The following PLEKHA5 variants were observed in gnomAD, a reference collection of about 807,000 sequenced individuals.
PLEKHA5 encodes the protein pleckstrin homology domain-containing family A member 5.
PLEKHA5 carries 55 observed loss-of-function variants against 181.9 expected under a neutral mutation model. The ratio of observed to expected loss-of-function variants is 0.30; its 90% confidence interval spans 0.24 to 0.38. The LOEUF (loss-of-function observed/expected upper bound fraction) is 0.38. PLEKHA5 is among the 10% of genes least tolerant of loss of function. The probability of loss-of-function intolerance (pLI) is 1.00; values close to 1 mark genes in which losing one functional copy is unlikely to be tolerated. For synonymous variants in PLEKHA5, 535 were observed against 529.4 expected (o/e 1.01, Z -0.15); for missense variants, 1,432 against 1,549.5 (o/e 0.92, Z 1.27).
chr12:19,267,197 A>T (rs963504385), intron 8 of PLEKHA5, among the ~76,000 whole-genome samples: 1 of 152,204 alleles, frequency 6.6e-6, no homozygotes, highest in African/African-American at 2.4e-5. Flanking sequence ...GTAAGGAACT[A>T]TAAGGTTCTT....
chr12:19,138,761 C>G (rs927079270), intron 3 of PLEKHA5, among the ~76,000 whole-genome samples: 1 of 151,730 alleles, frequency 6.6e-6, no homozygotes, highest in Non-Finnish European at 1.5e-5. Flanking sequence ...GCTGGGAACA[C>G]GTATAATATG....
In PLEKHA5 at chr12:19,344,067, T is replaced by A. The variant is rs558981955; in HGVS notation, c.2662+633T>A. Among the ~76,000 whole-genome samples the A allele has an allele frequency of 9.3e-3, 1,396 of 150,514 alleles. 9 individuals are homozygous for A. The highest frequency in any genetic ancestry group is 0.015 in the Non-Finnish European group (1,016 of 67,568). ...ACTGTCCCAAAAAAAAAAAAAAAAA[T>A]TTTCTCAGCTGCATTATAATCTTAT... On this transcript the variant is annotated intron_variant, in intron 22 of 31. Transcript: ENST00000429027.
chr12:19,210,054 A>G (rs1434281643), intron 3 of PLEKHA5, among the ~76,000 whole-genome samples: 2 of 152,176 alleles, frequency 1.3e-5, no homozygotes, highest in Non-Finnish European at 2.9e-5. Context: ...TCTTTAACGG[A>G]TGTCCATTTG....
intron 15 of PLEKHA5, among the ~76,000 whole-genome samples, chr12:19,310,406 T>TA (rs1284044981): frequency 2.6e-5 from 4 of 152,012 alleles, no homozygotes; most frequent in African/African-American, 7.3e-5. Context: ...GGTCAGGAGT[T>TA]AGAGACCAGC....
At chr12:19,217,925 G>A (rs2058256887) in intron 3 of PLEKHA5, among the ~76,000 whole-genome samples, 1 of 152,124 alleles carries the variant, frequency 6.6e-6, no homozygotes, top group Non-Finnish European at 1.5e-5. Flanking sequence ...GTTATCTATT[G>A]CTGCATAAGA....
chr12:19,281,313 A>C (rs1479839944), intron 11 of PLEKHA5, among the ~76,000 whole-genome samples: 1 of 151,808 alleles, frequency 6.6e-6, no homozygotes, highest in African/African-American at 2.4e-5. Context: ...CCAGGCGCTC[A>C]CTCCTGTAAT....
chr12:19,265,055 C>T (rs1264247457), intron 7 of PLEKHA5, among the ~76,000 whole-genome samples: 1 of 152,160 alleles, frequency 6.6e-6, no homozygotes, highest in Non-Finnish European at 1.5e-5. Flanking sequence ...TTTAGTCACA[C>T]TATTGTATAT....
At position 19,343,412 on chromosome 12, in the gene PLEKHA5, G is replaced by A. The variant is rs914410801; in HGVS notation, c.2640G>A (p.Gln880=). 7.5e-6 allele frequency: 12 copies of A among 1,606,928 alleles called. No homozygotes were observed. The highest frequency in any genetic ancestry group is 1.3e-5 in the African/African-American group (1 of 74,766). ...DVMEGLSKHK[Q]QRGTTEIGMI... The stretch of plus-strand genomic sequence containing the variant: ...TGGAAGGGCTGAGTAAACATAAGCA[G>A]CAAAGAGGTACTACAGAAATAGGTA... Residue 880 remains glutamine (Q), a synonymous_variant, in exon 22 of 32, where the codon CAG becomes CAA. Transcript: ENST00000429027.
chr12:19,278,481 C>G (rs2075209165), intron 11 of PLEKHA5, among the ~76,000 whole-genome samples: 1 of 152,110 alleles, frequency 6.6e-6, no homozygotes, highest in South Asian at 2.1e-4. Context: ...TGCTTAATCT[C>G]TAGCTTTTTG....
At chr12:19,331,791 G>A (rs1302219744) in intron 20 of PLEKHA5, among the ~76,000 whole-genome samples, 1 of 152,206 alleles carries the variant, frequency 6.6e-6, no homozygotes, top group South Asian at 2.1e-4. Flanking sequence ...GGGAGGCTGA[G>A]GCAGGAGAAT....
chr12:19,370,277 A>G (rs1214704005), intron 31 of PLEKHA5, among the ~76,000 whole-genome samples: 1 of 152,234 alleles, frequency 6.6e-6, no homozygotes, highest in Admixed American at 6.5e-5. Flanking sequence ...TTTAATGTCT[A>G]TCTGATATTA....
chr12:19,328,151 G>A (rs543857454), intron 20 of PLEKHA5, among the ~76,000 whole-genome samples: 1 of 152,252 alleles, frequency 6.6e-6, no homozygotes, highest in East Asian at 1.9e-4. Flanking sequence ...TAGGTGTATG[G>A]CTTAACTGCT....
At chr12:19,372,605 T>C (rs2095611303) in intron 31 of PLEKHA5, 1 of 152,028 alleles carries the variant, frequency 6.6e-6, no homozygotes, top group Non-Finnish European at 1.5e-5. Flanking sequence ...TAACTTTTAT[T>C]TGAGATTATG....
At chr12:19,304,601 C>A (rs1029623813) in intron 15 of PLEKHA5, among the ~76,000 whole-genome samples, 8 of 152,128 alleles carry the variant, frequency 5.3e-5, no homozygotes, top group African/African-American at 1.7e-4. Context: ...GGTTCACAAG[C>A]CTGACTTCTC....
chr12:19,294,481 T>C (rs780830513), intron 15 of PLEKHA5, among the ~76,000 whole-genome samples: 97 of 152,290 alleles, frequency 6.4e-4, no homozygotes, highest in Non-Finnish European at 9.1e-4. Flanking sequence ...GGTCACATTT[T>C]ATACTATATA....
intron 3 of PLEKHA5, chr12:19,205,482 C>T (rs1056178575): frequency 1.6e-5 from 8 of 512,894 alleles, no homozygotes; most frequent in African/African-American, 2.1e-5. Flanking sequence ...TTGCTCTAAT[C>T]GGTCAGTTAT....
intron 3 of PLEKHA5, among the ~76,000 whole-genome samples, chr12:19,159,888 T>C (rs2042580226): frequency 6.6e-6 from 1 of 152,154 alleles, no homozygotes; most frequent in Non-Finnish European, 1.5e-5. Flanking sequence ...GAATGCATGG[T>C]CATGCATAAT....
intron 15 of PLEKHA5, among the ~76,000 whole-genome samples, chr12:19,312,017 G>A (rs1173667105): frequency 2.0e-5 from 3 of 152,134 alleles, no homozygotes; most frequent in Admixed American, 1.3e-4. Context: ...GTTAACAGTC[G>A]TGAAAACCAC....
At chr12:19,319,566 A>G (rs1438168357) in intron 16 of PLEKHA5, 1 of 159,884 alleles carries the variant, frequency 6.3e-6, no homozygotes, top group Non-Finnish European at 1.4e-5. Context: ...TAATTGGGAC[A>G]CATTACTTCT....
Sources: allele counts gnomAD v4.1 joint callset (sites outside exome capture counted in the v4.1 genomes callset), GRCh38; gene constraint gnomAD v4.1.1; transcripts MANE v1.5; gene names NCBI Gene and HGNC (gene_info 2026-07-23, HGNC 2026-07-21).